The following PCCA variants were observed in gnomAD, a reference collection of about 807,000 sequenced individuals.
The protein encoded by PCCA is propionyl-CoA carboxylase alpha chain, mitochondrial.
A neutral mutation model predicts 101.3 loss-of-function variants in PCCA; 74 were observed. That is an observed-to-expected ratio of 0.73 (90% CI 0.61 to 0.89). The LOEUF is 0.89. Among genes scored for constraint, PCCA ranks in the 40% least tolerant of loss-of-function variants. The pLI, the probability that PCCA is intolerant of heterozygous loss-of-function variation, is 0.00. For synonymous variants in PCCA, 294 were observed against 313.6 expected, an observed-to-expected ratio of 0.94 and a Z score of 0.66; for missense variants, 891 against 907.0, an observed-to-expected ratio of 0.98 and a Z score of 0.23.
At chr13:100,440,403 TA>T (rs1229205914) in intron 20 of PCCA, among the ~76,000 whole-genome samples, 5 of 151,426 alleles carry the variant, frequency 3.3e-5, no homozygotes, top group African/African-American at 1.2e-4. Flanking sequence ...TTGAAGAAAA[TA>T]AATTGTTGAT....
intron 6 of PCCA, among the ~76,000 whole-genome samples, chr13:100,163,651 T>A (rs2054725312): frequency 6.6e-6 from 1 of 152,222 alleles, no homozygotes; most frequent in African/African-American, 2.4e-5. Flanking sequence ...TTTAAAAGTA[T>A]ACAATTGAGT....
chr13:100,190,402 G>T (rs967607221), intron 6 of PCCA, among the ~76,000 whole-genome samples: 1 of 152,202 alleles, frequency 6.6e-6, no homozygotes, highest in Non-Finnish European at 1.5e-5. Context: ...AAAAAGCGTG[G>T]CTGGGCGTGG....
chr13:100,102,567 T>C (rs1214210813), intron 1 of PCCA, among the ~76,000 whole-genome samples: 1 of 152,240 alleles, frequency 6.6e-6, no homozygotes, highest in African/African-American at 2.4e-5. Flanking sequence ...AAGTTCTGTG[T>C]GGTCTGTGAC....
chr13:100,215,067 G>A (rs1594767046), intron 7 of PCCA, among the ~76,000 whole-genome samples: 1 of 152,250 alleles, frequency 6.6e-6, no homozygotes, highest in East Asian at 1.9e-4. Context: ...TCAGATTCTT[G>A]AAACTTATGT....
At chr13:100,397,163 T>C (rs2077087357) in intron 19 of PCCA, among the ~76,000 whole-genome samples, 1 of 152,188 alleles carries the variant, frequency 6.6e-6, no homozygotes, top group South Asian at 2.1e-4. Flanking sequence ...TGCAATAAAA[T>C]AGTGACCCTT....
At chr13:100,146,116 T>G (rs144546499) in intron 4 of PCCA, among the ~76,000 whole-genome samples, 21,251 of 150,272 alleles carry the variant, frequency 0.14, 1,615 homozygotes, top group Non-Finnish European at 0.18. Context: ...ATTTTTTGTA[T>G]TTTTAGCAGA....
At chr13:100,224,928 A>C (rs941350191) in intron 7 of PCCA, among the ~76,000 whole-genome samples, 1 of 152,156 alleles carries the variant, frequency 6.6e-6, no homozygotes, top group Non-Finnish European at 1.5e-5. Flanking sequence ...CTAGAGAGAA[A>C]ATTAGGATCC....
At chr13:100,467,411 G>A (rs1381197509) in intron 21 of PCCA, among the ~76,000 whole-genome samples, 2 of 152,106 alleles carry the variant, frequency 1.3e-5, no homozygotes, top group African/African-American at 4.8e-5. Context: ...TTGCTCTGTT[G>A]CCCAGGCTGG....
chr13:100,142,633 C>T (rs935742479), intron 4 of PCCA, among the ~76,000 whole-genome samples: 1 of 152,064 alleles, frequency 6.6e-6, no homozygotes, highest in Non-Finnish European at 1.5e-5. Flanking sequence ...GCCACGACAT[C>T]CAGCTAATTT....
At chr13:100,451,210 GT>G (rs2081202054) in intron 21 of PCCA, among the ~76,000 whole-genome samples, 1 of 151,492 alleles carries the variant, frequency 6.6e-6, no homozygotes, top group Non-Finnish European at 1.5e-5. Context: ...TGATTTCAGT[GT>G]TCGTCTCATC....
chr13:100,451,428 C>T (rs905928499), intron 21 of PCCA, among the ~76,000 whole-genome samples: 4 of 152,080 alleles, frequency 2.6e-5, no homozygotes, highest in Non-Finnish European at 2.9e-5. Context: ...TGTGTCAGTC[C>T]GTAAGATGGA....
At chr13:100,170,497 A>G (rs2055524444) in intron 6 of PCCA, among the ~76,000 whole-genome samples, 1 of 152,228 alleles carries the variant, frequency 6.6e-6, no homozygotes, top group South Asian at 2.1e-4. Context: ...CAATGTTCCT[A>G]AGTTACCATT....
intron 22 of PCCA, among the ~76,000 whole-genome samples, chr13:100,524,444 GT>G (rs1177585509): frequency 1.3e-4 from 20 of 149,730 alleles, no homozygotes; most frequent in Non-Finnish European, 3.0e-5. Flanking sequence ...TGAGCAAGAT[GT>G]ATCTCACTAT....
chr13:100,112,737 T>C (rs1027380496), intron 4 of PCCA, among the ~76,000 whole-genome samples: 10 of 151,998 alleles, frequency 6.6e-5, no homozygotes, highest in African/African-American at 2.2e-4. Context: ...CCATCATGCC[T>C]GGCTGATTTT....
intron 6 of PCCA, among the ~76,000 whole-genome samples, chr13:100,185,136 C>T (rs576717821): frequency 1.3e-5 from 2 of 152,218 alleles, no homozygotes. Flanking sequence ...AAATGATGCT[C>T]CTTCCTCCCA....
chr13:100,160,054 C>T (rs1594446491), intron 6 of PCCA, among the ~76,000 whole-genome samples: 1 of 151,874 alleles, frequency 6.6e-6, no homozygotes. Flanking sequence ...ATTTTTTTTG[C>T]ATAACTGCTG....
At chr13:100,246,161 T>TA (rs551094313) in intron 8 of PCCA, among the ~76,000 whole-genome samples, 52 of 152,190 alleles carry the variant, frequency 3.4e-4, no homozygotes, top group Non-Finnish European at 7.1e-4. Context: ...TGACAATACT[T>TA]ACAACAGTTG....
chr13:100,182,683 T>C (rs1328307729), intron 6 of PCCA, among the ~76,000 whole-genome samples: 2 of 152,132 alleles, frequency 1.3e-5, no homozygotes, highest in Admixed American at 1.3e-4. Flanking sequence ...CCACCTCTGC[T>C]TGTCTGGCTT....
intron 4 of PCCA, among the ~76,000 whole-genome samples, chr13:100,129,218 A>G: frequency 6.6e-6 from 1 of 152,168 alleles, no homozygotes; most frequent in East Asian, 1.9e-4. Flanking sequence ...CTAGTCACCT[A>G]TCTTCACTTC....
Sources: gnomAD v4.1 joint callset for allele counts (sites outside exome capture counted in the v4.1 genomes callset) on GRCh38, gnomAD v4.1.1 for gene constraint, MANE v1.5 for transcripts, NCBI Gene and HGNC (gene_info 2026-07-23, HGNC 2026-07-21) for gene names.